Variants in NRXN3 observed in about 807,000 individuals in gnomAD.
NRXN3 encodes the protein neurexin 3, also known as neurexin III.
A neutral mutation model predicts 137.6 loss-of-function variants in NRXN3; 32 were observed. The ratio of observed to expected loss-of-function variants is 0.23; its 90% CI spans 0.18 to 0.31. The LOEUF (loss-of-function observed/expected upper bound fraction) is 0.31, where lower values mean the gene tolerates loss of function less well. Among genes scored for constraint, NRXN3 ranks in the 10% least tolerant of loss-of-function variants. NRXN3 has a pLI of 1.00. For synonymous variants in NRXN3, 798 were observed against 784.5 expected (o/e 1.02, Z -0.29); for missense variants, 1,574 against 2,062.5 (o/e 0.76, Z 4.59).
chr14:78,589,973 A>AAAACAAAC (rs869260100), intron 4 of NRXN3, among the ~76,000 whole-genome samples: 4 of 150,542 alleles, frequency 2.7e-5, no homozygotes, highest in African/African-American at 1.0e-4. Flanking sequence ...AACAAACAAA[A>AAAACAAAC]AAACAAACAA....
At position 78,409,552 on chromosome 14, in the gene NRXN3, G is replaced by A. The variant is rs1598353534; in HGVS notation, c.757+111692G>A. ...GTTCAATTTAGCTATTTCTATGAAGGGGTGAAAATCCCTAACCTCTTGATA... is the reference window on the plus strand; with the variant it reads ...GTTCAATTTAGCTATTTCTATGAAGAGGTGAAAATCCCTAACCTCTTGATA... On this transcript the variant is annotated intron_variant, in intron 4 of 20. Coordinates refer to ENST00000335750, the MANE Select transcript of NRXN3 (RefSeq NM_001330195.2). Among the ~76,000 whole-genome samples the A allele has an allele frequency of 2.0e-5, 3 of 152,114 alleles. No individual in the cohort carries two copies. In the East Asian group the frequency reaches 5.8e-4, roughly 29 times the overall value.
chr14:78,526,262 G>A (rs564936372), intron 4 of NRXN3, among the ~76,000 whole-genome samples: 28 of 152,306 alleles, frequency 1.8e-4, no homozygotes, highest in African/African-American at 5.1e-4. Context: ...GACATCTGCC[G>A]TGCAGAATGA....
At chr14:78,917,561 C>T (rs972596850) in intron 10 of NRXN3, among the ~76,000 whole-genome samples, 7 of 152,300 alleles carry the variant, frequency 4.6e-5, no homozygotes, top group Non-Finnish European at 1.0e-4. Context: ...ATTTAGGTGT[C>T]AGGCATCTAT....
chr14:78,728,064 C>A (rs1019752940), intron 8 of NRXN3, among the ~76,000 whole-genome samples: 2 of 152,132 alleles, frequency 1.3e-5, no homozygotes, highest in Non-Finnish European at 2.9e-5. Flanking sequence ...TAAGTAGCCA[C>A]GCTGGGACTT....
At chr14:78,175,734 A>T (rs2059201256) in intron 1 of NRXN3, among the ~76,000 whole-genome samples, 1 of 151,808 alleles carries the variant, frequency 6.6e-6, no homozygotes, top group Admixed American at 6.6e-5. Context: ...GATGGGGCCC[A>T]CTCCCAGCCC....
At chr14:78,948,628 C>CTTTTTTTTTTTTTTTTTTTTTTT (rs201010514) in intron 10 of NRXN3, among the ~76,000 whole-genome samples, 3 of 108,606 alleles carry the variant, frequency 2.8e-5, no homozygotes, top group Admixed American at 1.0e-4. Context: ...ACACATTTAA[C>CTTTTTTTTTTTTTTTTTTTTTTT]TTTTTTTTTT....
chr14:78,721,842 CT>C (rs371257374), intron 8 of NRXN3, among the ~76,000 whole-genome samples: 66 of 147,612 alleles, frequency 4.5e-4, no homozygotes, highest in Admixed American at 1.9e-3. Flanking sequence ...AAACTGTCTC[CT>C]TTTTTTTTTG....
intron 16 of NRXN3, among the ~76,000 whole-genome samples, chr14:79,515,433 C>G (rs2096973765): frequency 6.6e-6 from 1 of 150,402 alleles, no homozygotes; most frequent in East Asian, 1.9e-4. Context: ...GTCACTGCAG[C>G]TTAGTCTAAC....
intron 4 of NRXN3, among the ~76,000 whole-genome samples, chr14:78,478,791 T>C (rs1004820347): frequency 5.3e-5 from 8 of 152,192 alleles, no homozygotes; most frequent in Non-Finnish European, 1.2e-4. Flanking sequence ...TTCTACATTA[T>C]GTGTGTTTCT....
intron 8 of NRXN3, among the ~76,000 whole-genome samples, chr14:78,780,893 G>A (rs1020473266): frequency 6.6e-5 from 10 of 152,250 alleles, no homozygotes; most frequent in African/African-American, 2.4e-4. Flanking sequence ...ATACAATTTA[G>A]CATTGAAGCT....
rs2099390117 is a variant in NRXN3, at chr14:79,850,913, C to T, written c.4094-10429C>T. On this transcript the variant is annotated intron_variant, in intron 20 of 20. Transcript: ENST00000335750. The stretch of plus-strand genomic sequence containing the variant: ...CAGGCTATGTTGGCTTCATTTGAAA[C>T]TACAGCTTCCATGGGTTTAAAAAAT... 2.0e-5 allele frequency among the ~76,000 whole-genome samples: 3 copies of T among 152,298 alleles called. No homozygotes were observed. The South Asian group carries it at 6.2e-4, about 32-fold the overall frequency.
chr14:78,412,748 C>A (rs892183242), intron 4 of NRXN3, among the ~76,000 whole-genome samples: 8 of 152,168 alleles, frequency 5.3e-5, no homozygotes, highest in Non-Finnish European at 1.2e-4. Context: ...ATGGTATGAT[C>A]AACTAACATT....
At chr14:78,554,369 C>T (rs1356958513) in intron 4 of NRXN3, among the ~76,000 whole-genome samples, 1 of 152,126 alleles carries the variant, frequency 6.6e-6, no homozygotes, top group Non-Finnish European at 1.5e-5. Flanking sequence ...TGGAACCCTT[C>T]TGCTGGGCTC....
At chr14:79,514,321 A>T (rs1209704335) in intron 16 of NRXN3, among the ~76,000 whole-genome samples, 1 of 152,078 alleles carries the variant, frequency 6.6e-6, no homozygotes, top group Non-Finnish European at 1.5e-5. Flanking sequence ...CCTAAAATTC[A>T]AGCCTCTCTC....
intron 19 of NRXN3, among the ~76,000 whole-genome samples, chr14:79,775,386 T>A (rs2099093461): frequency 6.6e-6 from 1 of 152,024 alleles, no homozygotes; most frequent in African/African-American, 2.4e-5. Context: ...AGATAGGCAT[T>A]ACTGTTCGCA....
intron 19 of NRXN3, among the ~76,000 whole-genome samples, chr14:79,768,958 G>A (rs962788855): frequency 2.1e-4 from 32 of 151,536 alleles, no homozygotes; most frequent in African/African-American, 7.0e-4. Flanking sequence ...ACCAAGGCTC[G>A]AGAACTACGT....
chr14:78,597,025 A>AACAG lies in NRXN3; in HGVS notation c.758-48093_758-48090dup, dbSNP rs2097162799. ...TGGGAGAGTCCCAGGATCCCTGATCAACAGAGAGAGAGTATCCTGGGGGTT... is the reference window on the plus strand; with the variant it reads ...TGGGAGAGTCCCAGGATCCCTGATCAACAGACAGAGAGAGAGTATCCTGGGGGTT... On this transcript the variant is annotated intron_variant, in intron 4 of 20. Coordinates refer to ENST00000335750, the MANE Select transcript of NRXN3 (RefSeq NM_001330195.2). Among the ~76,000 whole-genome samples the AACAG allele has an allele frequency of 2.0e-5, 3 of 152,356 alleles. No individual in the cohort carries two copies. The South Asian group carries it at 6.2e-4, about 32-fold the overall frequency.
At chr14:79,208,435 A>G (rs1286010825) in intron 15 of NRXN3, among the ~76,000 whole-genome samples, 2 of 152,218 alleles carry the variant, frequency 1.3e-5, no homozygotes, top group African/African-American at 4.8e-5. Context: ...GACAAATAAC[A>G]TCTCACACTA....
chr14:79,155,184 G>A (rs2060152106), intron 15 of NRXN3, among the ~76,000 whole-genome samples: 1 of 151,782 alleles, frequency 6.6e-6, no homozygotes, highest in East Asian at 1.9e-4. Context: ...AGCTGGAGAA[G>A]AGAAATATAA....
Sources: gnomAD v4.1 joint callset for allele counts (sites outside exome capture counted in the v4.1 genomes callset) on GRCh38, gnomAD v4.1.1 for gene constraint, MANE v1.5 for transcripts, NCBI Gene and HGNC (gene_info 2026-07-23, HGNC 2026-07-21) for gene names.